The following DUS4L variants were observed in gnomAD, a reference collection of about 807,000 sequenced individuals.
DUS4L encodes dihydrouridine synthase 4 like.
DUS4L carries 31 observed loss-of-function variants against 33.8 expected under a neutral mutation model. The observed-to-expected ratio is 0.92, with a 90% CI of 0.69 to 1.24. The LOEUF (loss-of-function observed/expected upper bound fraction) is 1.24. Ranked by LOEUF, DUS4L falls within the 50% of genes most tolerant of loss-of-function variation. DUS4L has a pLI of 0.00. For synonymous variants in DUS4L, 103 were observed against 120.3 expected, an observed-to-expected ratio of 0.86 and a Z score of 0.94; for missense variants, 368 against 388.6, an observed-to-expected ratio of 0.95 and a Z score of 0.45.
chr7:107,573,534 T>C (rs1303431164), intron 4 of DUS4L, among the ~76,000 whole-genome samples, 170 bp from the exon 5 acceptor site: 1 of 152,252 alleles, frequency 6.6e-6, no homozygotes, highest in Non-Finnish European at 1.5e-5. Context: ...TGTAAATTGC[T>C]TTTAATTTTA....
intron 5 of DUS4L, 129 bp from the exon 6 acceptor site, chr7:107,575,059 A>C: frequency 2.4e-6 from 3 of 1,268,286 alleles, no homozygotes; most frequent in Non-Finnish European, 3.3e-6. Context: ...TGAATCTATG[A>C]ATTTTTTATA....
Position 107,577,567 on chromosome 7 carries a change from T to G in DUS4L, c.*7T>G. 6.2e-7 allele frequency: 1 copy of G among 1,608,786 alleles called. No individual in the cohort carries two copies. Among genetic ancestry groups the G allele is most frequent in the South Asian group, 1.1e-5 (1 of 90,778 alleles). On this transcript the variant is annotated 3_prime_UTR_variant, in exon 8 of 8. Coordinates refer to ENST00000265720, the MANE Select transcript of DUS4L (RefSeq NM_181581.3). ...AGACCATTATGGCATTTGACTAGAC[T>G]TCCCAAATAATTTTAATATATACTT...
chr7:107,576,171 A>G (rs758355745), intron 6 of DUS4L, among the ~76,000 whole-genome samples, 195 bp from the exon 7 acceptor site: 2 of 152,240 alleles, frequency 1.3e-5, no homozygotes, highest in Non-Finnish European at 2.9e-5. Context: ...CTTTGTTGTC[A>G]ATAGTGAAAT....
At chr7:107,567,865 G>A in intron 3 of DUS4L, 1 of 376,000 alleles carries the variant, frequency 2.7e-6, no homozygotes, top group Non-Finnish European at 5.2e-6. Context: ...CACTACTCTA[G>A]GTACCTCATA....
chr7:107,570,968 T>A, intron 3 of DUS4L, 177 bp from the exon 4 acceptor site: 1 of 773,322 alleles, frequency 1.3e-6, no homozygotes, highest in Non-Finnish European at 1.9e-6. Flanking sequence ...AATTTTCTTG[T>A]GTTTGTTTTA....
rs1390596331 is a variant in DUS4L at position 107,576,282 on chromosome 7, T to A, written c.480-84T>A. The A allele has an allele frequency of 3.1e-6, 4 of 1,302,038 alleles. No individual in the cohort carries two copies. The African/African-American group carries it at 6.1e-5, about 20-fold the overall frequency. The allele number at this position is 1,302,038 out of a possible 1,614,324, so 80.7% of individuals were successfully genotyped here. ...GATATAGCAAAGCTAACTAATTTGG[T>A]AGATGAAATACCATTTTAGTCAGTT... On this transcript the variant is annotated intron_variant, in intron 6 of 7. Coordinates refer to ENST00000265720, the MANE Select transcript of DUS4L (RefSeq NM_181581.3).
At chr7:107,567,312 TAG>T in intron 3 of DUS4L, 126 bp downstream of exon 3, 1 of 722,434 alleles carries the variant, frequency 1.4e-6, no homozygotes, top group East Asian at 2.7e-5. Context: ...AATCATGACT[TAG>T]AATTGAGTCA....
At chr7:107,576,108 A>G (rs1203202886) in intron 6 of DUS4L, among the ~76,000 whole-genome samples, 2 of 152,248 alleles carry the variant, frequency 1.3e-5, no homozygotes, top group East Asian at 3.8e-4. Context: ...TCTTTCATTT[A>G]TCAAAGCCAA....
intron 6 of DUS4L, 130 bp from the exon 7 acceptor site, chr7:107,576,236 A>G (rs1805729633): frequency 3.4e-6 from 3 of 881,408 alleles, no homozygotes; most frequent in Non-Finnish European, 5.1e-6. Context: ...CCTTGCTGAT[A>G]ATGACATAGA....
chr7:107,569,294 C>G (rs998154235), intron 3 of DUS4L, among the ~76,000 whole-genome samples: 1 of 152,190 alleles, frequency 6.6e-6, no homozygotes, highest in African/African-American at 2.4e-5. Context: ...TTCCATTGAT[C>G]TTGTATCTTT....
rs1187996893 is a variant in DUS4L, at chr7:107,571,284, TACTG to T, written c.238+22_238+25del. ...AAATCAAGGTATGTGAAACCGAGTG[TACTG>T]ACTTTGTAAAACTTTTTAAATTTGT... On this transcript the variant is annotated intron_variant, in intron 4 of 7. Coordinates refer to ENST00000265720, the MANE Select transcript of DUS4L (RefSeq NM_181581.3). The T allele has an allele frequency of 6.3e-7, 1 of 1,591,328 alleles. No individual in the cohort carries two copies. The highest frequency in any genetic ancestry group is 8.5e-7 in the Non-Finnish European group (1 of 1,173,944).
At chr7:107,573,622 C>T in intron 4 of DUS4L, 82 bp from the exon 5 acceptor site, 2 of 1,351,182 alleles carry the variant, frequency 1.5e-6, no homozygotes, top group South Asian at 1.9e-5. Context: ...CTATTTTATC[C>T]TGTACAAACA....
At chr7:107,564,501 A>G (rs1361130373) in intron 1 of DUS4L, 87 bp from the exon 2 acceptor site, 1 of 155,100 alleles carries the variant, frequency 6.4e-6, no homozygotes, top group African/African-American at 2.4e-5. Context: ...AGTCTGAACC[A>G]TAAAAGGACC....
rs886061877 is a variant in DUS4L, at chr7:107,564,158, C to G, written c.-162C>G. On this transcript the variant is annotated 5_prime_UTR_variant, in exon 1 of 8. Transcript: ENST00000265720. ...CGGCGCTTTCAGCTGTCTCTCGCAG[C>G]AGCTCAGGGCCGCGCCCCCTGGGCT... The G allele has an allele frequency of 1.5e-6, 1 of 688,638 alleles. No individual in the cohort carries two copies. The allele number at this position is 688,638 out of a possible 1,614,324, so 42.7% of individuals were successfully genotyped here.
At chr7:107,576,740 G>A (rs1433942589) in intron 7 of DUS4L, 148 bp downstream of exon 7, 2 of 725,498 alleles carry the variant, frequency 2.8e-6, no homozygotes, top group African/African-American at 1.8e-5. Flanking sequence ...TTATTAAAAT[G>A]ATGTTAAGTT....
chr7:107,564,088 G>A lies in DUS4L; in HGVS notation c.-232G>A, dbSNP rs1210759346. 1 of 1,319,626 alleles carries A rather than the reference G, an allele frequency of 7.6e-7. No individual in the cohort carries two copies. 81.7% of individuals were successfully genotyped at this position (1,319,626 alleles called of 1,614,324 possible). A position where few individuals can be genotyped will look rare whatever the true frequency, so the allele number is the denominator to read the frequency against. Reference sequence around the variant, plus strand: ...CTCGAGCAGTGGGCGCCCAGGGTCCGAGTGCTCTGCGCCCAGCGCACCGAG... The same window carrying A: ...CTCGAGCAGTGGGCGCCCAGGGTCCAAGTGCTCTGCGCCCAGCGCACCGAG... On this transcript the variant is annotated 5_prime_UTR_variant, in exon 1 of 8. Coordinates refer to ENST00000265720, the MANE Select transcript of DUS4L (RefSeq NM_181581.3).
rs776661698 is a variant in DUS4L at position 107,571,230 on chromosome 7, A to G, written c.202A>G (p.Ile68Val). Residue 68 changes from isoleucine (I) to valine (V), a missense_variant, in exon 4 of 8, where the codon ATA becomes GTA. Coordinates refer to ENST00000265720, the MANE Select transcript of DUS4L (RefSeq NM_181581.3). ...MIVAADFVKS[I>V]KARDSEFTTN... ...TGTTGCCGCTGATTTTGTCAAATCT[A>G]TAAAAGCCAGAGACAGCGAATTTAC... 37 of 1,612,154 alleles carry G rather than the reference A, an allele frequency of 2.3e-5. No individual in the cohort carries two copies. Among genetic ancestry groups the G allele is most frequent in the Non-Finnish European group, 3.0e-5 (35 of 1,179,556 alleles).
Position 107,564,001 on chromosome 7 carries a change from C to T in DUS4L, c.-319C>T, listed in dbSNP as rs2129184702. On this transcript the variant is annotated 5_prime_UTR_variant, in exon 1 of 8. Coordinates refer to ENST00000265720, the MANE Select transcript of DUS4L (RefSeq NM_181581.3). ...CCCACCCAGCCCATGGCTCCAGGCC[C>T]ACCTGGCGAACTGACTCTCAGCCCG... 1 of 1,557,096 alleles carries T rather than the reference C, an allele frequency of 6.4e-7. No individual in the cohort carries two copies. The highest frequency in any genetic ancestry group is 8.7e-7 in the Non-Finnish European group (1 of 1,153,840).
chr7:107,571,102 G>T (rs757096495), intron 3 of DUS4L, 43 bp from the exon 4 acceptor site: 4 of 1,610,678 alleles, frequency 2.5e-6, no homozygotes, highest in Non-Finnish European at 3.4e-6. Flanking sequence ...AAATATGTTT[G>T]TGGTGTTTCT....
Sources: gnomAD v4.1 joint callset for allele counts (sites outside exome capture counted in the v4.1 genomes callset) on GRCh38, gnomAD v4.1.1 for gene constraint, MANE v1.5 for transcripts, NCBI Gene and HGNC (gene_info 2026-07-23, HGNC 2026-07-21) for gene names.